TRIM33: variants seen among roughly 807,000 people sequenced by gnomAD.
The protein encoded by TRIM33 is tripartite motif containing 33.
In TRIM33, 20 loss-of-function variants were observed where a neutral mutation model predicts 125.4. That is an observed-to-expected ratio of 0.16 (90% CI 0.11 to 0.23). The LOEUF (loss-of-function observed/expected upper bound fraction) is 0.23, where lower values mean the gene tolerates loss of function less well. Among genes scored for constraint, TRIM33 ranks in the 10% least tolerant of loss-of-function variants. The pLI is 1.00. For synonymous variants in TRIM33, 564 were observed against 513.9 expected (o/e 1.10, Z -1.32); for missense variants, 920 against 1,411.4 (o/e 0.65, Z 5.58).
At chr1:114,414,544 CCCGCTT>C (rs1225424905) in intron 11 of TRIM33, among the ~76,000 whole-genome samples, 6 of 152,166 alleles carry the variant, frequency 3.9e-5, no homozygotes, top group Non-Finnish European at 7.3e-5. Flanking sequence ...TAACTCTTAC[CCCGCTT>C]CCAGGTTTCA....
chr1:114,510,856 G>C lies in TRIM33; in HGVS notation c.221C>G (p.Ser74Trp). ...DGGVAAASSGSAQAASSPAAS... is the reference protein window; with the variant it reads ...DGGVAAASSGWAQAASSPAAS... The stretch of plus-strand genomic sequence containing the variant: ...CGCAGGAGATGAAGCAGCCTGGGCC[G>C]AGCCCGAGGAGGCCGCGGCCACCCC... Residue 74 changes from serine to tryptophan, a missense_variant, in exon 1 of 20, where the codon TCG (serine) becomes TGG (tryptophan). By Grantham distance (177) the Ser-to-Trp change is radical. This residue lies in a region of TRIM33 where 233 missense variants were observed against 189.6 expected (regional missense o/e 1.23). Coordinates refer to ENST00000358465, the MANE Select transcript of TRIM33 (RefSeq NM_015906.4). The C allele has an allele frequency of 1.4e-6, 2 of 1,472,526 alleles. No individual in the cohort carries two copies. Among genetic ancestry groups the C allele is most frequent in the South Asian group, 1.3e-5 (1 of 77,044 alleles). The allele number at this position is 1,472,526 out of a possible 1,614,324, so 91.2% of individuals were successfully genotyped here.
intron 1 of TRIM33, among the ~76,000 whole-genome samples, chr1:114,478,875 T>C (rs1240644305): frequency 6.6e-6 from 1 of 152,112 alleles, no homozygotes; most frequent in Non-Finnish European, 1.5e-5. Flanking sequence ...TGTGAAACTC[T>C]GCCTCTACTA....
chr1:114,438,281 A>G (rs1477155391), intron 4 of TRIM33, among the ~76,000 whole-genome samples: 2 of 152,222 alleles, frequency 1.3e-5, no homozygotes, highest in Admixed American at 6.5e-5. Context: ...TCCAAACTGA[A>G]TAAGAGAACC....
At chr1:114,416,184 T>C (rs1359852487) in intron 11 of TRIM33, among the ~76,000 whole-genome samples, 1 of 152,192 alleles carries the variant, frequency 6.6e-6, no homozygotes, top group Non-Finnish European at 1.5e-5. Context: ...ATTGAAGACT[T>C]GGCCTTGAAC....
intron 1 of TRIM33, among the ~76,000 whole-genome samples, chr1:114,484,664 A>G (rs1469654482): frequency 1.3e-5 from 2 of 152,154 alleles, no homozygotes; most frequent in Non-Finnish European, 2.9e-5. Context: ...GGAGTTCGAA[A>G]CCAGCCTGGG....
chr1:114,450,177 C>T (rs966418435), intron 4 of TRIM33, among the ~76,000 whole-genome samples: 1 of 152,120 alleles, frequency 6.6e-6, no homozygotes, highest in Non-Finnish European at 1.5e-5. Flanking sequence ...GAATCGCTTG[C>T]ACCCGGCAGG....
At chr1:114,485,022 C>T (rs375757982) in intron 1 of TRIM33, among the ~76,000 whole-genome samples, 13 of 151,428 alleles carry the variant, frequency 8.6e-5, no homozygotes, top group South Asian at 2.1e-4. Flanking sequence ...ACTGCACTCC[C>T]GCCTGGGAGA....
chr1:114,500,151 A>C (rs1187987410), intron 1 of TRIM33, among the ~76,000 whole-genome samples: 5 of 152,208 alleles, frequency 3.3e-5, no homozygotes, highest in Non-Finnish European at 7.3e-5. Context: ...TGGGCAACAA[A>C]GTGAGACTCT....
At chr1:114,408,110 C>A (rs1652364018) in intron 13 of TRIM33, among the ~76,000 whole-genome samples, 1 of 151,440 alleles carries the variant, frequency 6.6e-6, no homozygotes, top group South Asian at 2.1e-4. Context: ...ATCTGATCAA[C>A]CCTCTTGACC....
In TRIM33 at chr1:114,510,913, G is replaced by A. The variant is rs1204709808; in HGVS notation, c.164C>T (p.Ala55Val). 6 of 1,421,182 alleles carry A rather than the reference G, an allele frequency of 4.2e-6. No individual in the cohort carries two copies. The South Asian group carries it at 5.8e-5, about 14-fold the overall frequency. 88.0% of individuals were successfully genotyped at this position (1,421,182 alleles called of 1,614,324 possible). A position where few individuals can be genotyped will look rare whatever the true frequency, so the allele number is the denominator to read the frequency against. ...EEEEEGGRAG[A>V]EGGAAGPDDG... ...GTCGGGCCCGGCCGCGCCGCCCTCA[G>A]CGCCGGCCCTGCCGCCTTCCTCCTC... The change falls in exon 1 of 20, where the codon GCT (alanine) becomes GTT (valine). Residue 55 changes from alanine to valine, a missense_variant. Ala to Val is a moderately conservative substitution (Grantham distance 64). Transcript: ENST00000358465.
intron 1 of TRIM33, among the ~76,000 whole-genome samples, chr1:114,487,771 C>G (rs994439862): frequency 6.6e-6 from 1 of 150,704 alleles, no homozygotes; most frequent in African/African-American, 2.4e-5. Flanking sequence ...GTGGCGGGCG[C>G]CTGTAGTCCC....
intron 12 of TRIM33, 77 bp downstream of exon 12, chr1:114,410,107 G>A (rs977394009): frequency 1.3e-5 from 20 of 1,531,722 alleles, no homozygotes; most frequent in Non-Finnish European, 1.5e-5. Context: ...TGTTTTTCTG[G>A]AGAATTCTGA....
intron 1 of TRIM33, among the ~76,000 whole-genome samples, chr1:114,467,221 C>T (rs1157643381): frequency 6.6e-6 from 1 of 152,100 alleles, no homozygotes; most frequent in Non-Finnish European, 1.5e-5. Context: ...ATCAATTGGA[C>T]TTAATAAATG....
At chr1:114,429,578 T>C (rs1647811147) in intron 6 of TRIM33, among the ~76,000 whole-genome samples, 1 of 151,996 alleles carries the variant, frequency 6.6e-6, no homozygotes, top group African/African-American at 2.4e-5. Context: ...ATTTCATTTT[T>C]ATGTAATTAT....
chr1:114,427,648 T>C lies in TRIM33; in HGVS notation c.1302+100A>G, dbSNP rs1647677043. ...GTATCTTGATGTGGTGGTGGTTACA[T>C]TTGCCAAAATTAAAATGTATACTTT... On this transcript the variant is annotated intron_variant, in intron 7 of 19. Coordinates refer to ENST00000358465, the MANE Select transcript of TRIM33 (RefSeq NM_015906.4). 5.4e-6 allele frequency: 7 copies of C among 1,288,990 alleles called. No individual in the cohort carries two copies. The South Asian group carries it at 1.0e-4, about 18-fold the overall frequency. 79.8% of individuals were successfully genotyped at this position (1,288,990 alleles called of 1,614,324 possible). A position where few individuals can be genotyped will look rare whatever the true frequency, so the allele number is the denominator to read the frequency against.
chr1:114,471,594 A>AGG lies in TRIM33; in HGVS notation c.527-7208_527-7207dup, dbSNP rs1182522338. Among the ~76,000 whole-genome samples the AGG allele has an allele frequency of 5.0e-3, 758 of 152,314 alleles. 6 individuals carry two copies. Among genetic ancestry groups the AGG allele is most frequent in the African/African-American group, 0.017 (717 of 41,564 alleles). ...CAAGACATACCTATTGAAAAAGAAA[A>AGG]GGATAAACAAACATACAGCAGCAAC... On this transcript the variant is annotated intron_variant, in intron 1 of 19. Transcript: ENST00000358465.
intron 1 of TRIM33, among the ~76,000 whole-genome samples, chr1:114,508,880 C>T (rs1653164034): frequency 6.6e-6 from 1 of 152,068 alleles, no homozygotes; most frequent in African/African-American, 2.4e-5. Flanking sequence ...ATACTTTTTT[C>T]CCATTTCACA....
At chr1:114,468,331 A>T (rs975388815) in intron 1 of TRIM33, 1 of 281,576 alleles carries the variant, frequency 3.6e-6, no homozygotes, top group African/African-American at 2.3e-5. Context: ...TGGGGATGAG[A>T]TGATTTTTGA....
chr1:114,405,373 G>A, intron 15 of TRIM33, 37 bp downstream of exon 15: 3 of 1,497,410 alleles, frequency 2.0e-6, no homozygotes, highest in Non-Finnish European at 2.7e-6. Flanking sequence ...TTTAGCTTAT[G>A]AAAATCAACA....
Sources: gnomAD v4.1 joint callset for allele counts (sites outside exome capture counted in the v4.1 genomes callset) on GRCh38, gnomAD v4.1.1 for gene constraint, gnomAD v4.1.1 regional missense constraint, MANE v1.5 for transcripts, NCBI Gene and HGNC (gene_info 2026-07-23, HGNC 2026-07-21) for gene names.